Variants in PCDHGA4 observed in about 807,000 individuals in gnomAD.
PCDHGA4 encodes the protein protocadherin gamma subfamily A, 4.
A neutral mutation model predicts 54.6 loss-of-function variants in PCDHGA4; 38 were observed. That is an observed-to-expected ratio of 0.70 (90% CI 0.54 to 0.91). The LOEUF (loss-of-function observed/expected upper bound fraction) is 0.91. PCDHGA4 is among the 40% of genes least tolerant of loss of function. PCDHGA4 has a pLI of 0.00. For synonymous variants in PCDHGA4, 511 were observed against 512.9 expected, an observed-to-expected ratio of 1.00 and a Z score of 0.05; for missense variants, 1,298 against 1,220.9, an observed-to-expected ratio of 1.06 and a Z score of -0.94.
intron 1 of PCDHGA4, among the ~76,000 whole-genome samples, chr5:141,437,526 G>A (rs1199002765): frequency 1.3e-5 from 2 of 152,160 alleles, no homozygotes; most frequent in East Asian, 3.8e-4. Context: ...GATGACAAAT[G>A]AGCAAATTGT....
At chr5:141,372,612 C>G in intron 1 of PCDHGA4, 1 of 1,614,004 alleles carries the variant, frequency 6.2e-7, no homozygotes, top group Non-Finnish European at 8.5e-7. Flanking sequence ...ACCTGGAGTT[C>G]TCCCCACCTA....
intron 1 of PCDHGA4, chr5:141,419,989 T>C (rs778087109): frequency 4.1e-5 from 66 of 1,613,962 alleles, no homozygotes; most frequent in Non-Finnish European, 5.2e-5. Context: ...TGATTCTAGC[T>C]ATTGCTCTAC....
chr5:141,403,044 T>C lies in PCDHGA4; in HGVS notation c.2514+45423T>C, dbSNP rs914251787. 7 of 1,613,960 alleles carry C rather than the reference T, an allele frequency of 4.3e-6. No individual in the cohort carries two copies. The Admixed American group carries it at 8.3e-5, about 19-fold the overall frequency. ...CTATGGGAGGCCAGGGCCAGTCAGA[T>C]TCGCTACTCAGTGCCTGAAGAGACA... is the stretch of plus-strand genomic sequence containing the variant. On this transcript the variant is annotated intron_variant, in intron 1 of 3. Transcript: ENST00000571252.
chr5:141,394,189 C>G lies in PCDHGA4; in HGVS notation c.2514+36568C>G, dbSNP rs543330174. The stretch of plus-strand genomic sequence containing the variant: ...ACTTTCCCTCATGCCTCCTACTCAG[C>G]GTATATCCTAGAGAACAACCTGAGA... On this transcript the variant is annotated intron_variant, in intron 1 of 3. Coordinates refer to ENST00000571252, the MANE Select transcript of PCDHGA4 (RefSeq NM_018917.4). 4 of 1,613,892 alleles carry G rather than the reference C, an allele frequency of 2.5e-6. No homozygotes were observed. The East Asian group carries it at 6.7e-5, about 27-fold the overall frequency.
At chr5:141,394,100 ACCACCTCTGT>A in intron 1 of PCDHGA4, 1 of 1,613,942 alleles carries the variant, frequency 6.2e-7, no homozygotes, top group Admixed American at 1.7e-5. Context: ...ATCTAGGAAC[ACCACCTCTGT>A]CCACTGAAAC....
chr5:141,387,491 A>C (rs1049616816), intron 1 of PCDHGA4, among the ~76,000 whole-genome samples: 1 of 152,240 alleles, frequency 6.6e-6, no homozygotes, highest in African/African-American at 2.4e-5. Flanking sequence ...GGCATTCCTA[A>C]GAGTACATTT....
intron 1 of PCDHGA4, among the ~76,000 whole-genome samples, chr5:141,451,924 G>C (rs1337159204): frequency 1.3e-5 from 2 of 152,008 alleles, no homozygotes; most frequent in African/African-American, 4.8e-5. Context: ...AAGGAAGGGA[G>C]GTAGGGAGGC....
At chr5:141,492,265 G>C (rs1363279754) in intron 1 of PCDHGA4, among the ~76,000 whole-genome samples, 1 of 152,180 alleles carries the variant, frequency 6.6e-6, no homozygotes, top group Non-Finnish European at 1.5e-5. Flanking sequence ...CAAGTTGCAC[G>C]GGCTCGCCAC....
chr5:141,509,709 T>C (rs1344120168), intron 3 of PCDHGA4, among the ~76,000 whole-genome samples: 1 of 152,200 alleles, frequency 6.6e-6, no homozygotes, highest in African/African-American at 2.4e-5. Context: ...CTGGAGGTGC[T>C]GTCTGATGTC....
At chr5:141,408,806 C>T in intron 1 of PCDHGA4, 1 of 1,613,010 alleles carries the variant, frequency 6.2e-7, no homozygotes, top group Non-Finnish European at 8.5e-7. Flanking sequence ...ACTCCTAGAC[C>T]GGGAAGAACA....
intron 1 of PCDHGA4, chr5:141,420,314 A>G (rs1454977890): frequency 6.9e-7 from 1 of 1,442,692 alleles, no homozygotes; most frequent in African/African-American, 1.4e-5. Flanking sequence ...TTTATATTAC[A>G]ATATGCCAAT....
chr5:141,509,447 C>T (rs898280593), intron 3 of PCDHGA4, among the ~76,000 whole-genome samples: 2 of 152,128 alleles, frequency 1.3e-5, no homozygotes, highest in Admixed American at 6.5e-5. Context: ...CCTCCTCTCC[C>T]ACCCCCGACC....
rs1465140874 is a variant in PCDHGA4, at chr5:141,355,327, T to C, written c.220T>C (p.Ser74Pro). The C allele has an allele frequency of 1.2e-6, 2 of 1,613,822 alleles. No individual in the cohort carries two copies. The highest frequency in any genetic ancestry group is 1.7e-6 in the Non-Finnish European group (2 of 1,179,900). Residue 74 changes from serine (S) to proline (P), a missense_variant, in exon 1 of 4, where the codon TCA becomes CCA. By Grantham distance (74) the Ser-to-Pro change is moderately conservative. Coordinates refer to ENST00000571252, the MANE Select transcript of PCDHGA4 (RefSeq NM_018917.4). ...GGTGTTTGAGGAGCAGGAAGAAGGCTCAGTGGTGGGCAACATCGCCAAGGA... is the reference window on the plus strand; with the variant it reads ...GGTGTTTGAGGAGCAGGAAGAAGGCCCAGTGGTGGGCAACATCGCCAAGGA... Reference protein sequence around the residue: ...YSVFEEQEEGSVVGNIAKDLG... With the variant: ...YSVFEEQEEGPVVGNIAKDLG...
At chr5:141,450,790 A>G (rs2098694056) in intron 1 of PCDHGA4, among the ~76,000 whole-genome samples, 1 of 148,832 alleles carries the variant, frequency 6.7e-6, no homozygotes, top group Admixed American at 6.7e-5. Context: ...CCCGGACCTC[A>G]TGATTGTATT....
chr5:141,364,482 A>G, intron 1 of PCDHGA4: 1 of 1,614,024 alleles, frequency 6.2e-7, no homozygotes, highest in South Asian at 1.1e-5. Flanking sequence ...ATAGCCAAGG[A>G]CCTTGGGCTG....
Position 141,432,292 on chromosome 5 carries a change from T to C in PCDHGA4, c.2515-62515T>C, listed in dbSNP as rs1339412798. 2 of 1,614,078 alleles carry C rather than the reference T, an allele frequency of 1.2e-6. No individual in the cohort carries two copies. The highest frequency in any genetic ancestry group is 2.2e-5 in the East Asian group (1 of 44,888). On this transcript the variant is annotated intron_variant, in intron 1 of 3. Coordinates refer to ENST00000571252, the MANE Select transcript of PCDHGA4 (RefSeq NM_018917.4). The surrounding 1 kb of genome is among the most constrained non-coding windows in gnomAD (Gnocchi z 6.0). ...CCTACGTGTCCATCAACTCCGACAC[T>C]GGGGTACTGTATGCGCTGAGCTCCT...
At chr5:141,360,803 G>A (rs1392769200) in intron 1 of PCDHGA4, 1 of 1,613,926 alleles carries the variant, frequency 6.2e-7, no homozygotes, top group Admixed American at 1.7e-5. Flanking sequence ...CCACCTCAAA[G>A]TGGCACGACC....
chr5:141,386,967 T>C (rs1397962065), intron 1 of PCDHGA4, among the ~76,000 whole-genome samples: 1 of 152,204 alleles, frequency 6.6e-6, no homozygotes, highest in Non-Finnish European at 1.5e-5. Flanking sequence ...CAGATCTCAG[T>C]GACTTTGTGT....
chr5:141,429,631 G>A (rs1272926056), intron 1 of PCDHGA4, among the ~76,000 whole-genome samples: 1 of 152,132 alleles, frequency 6.6e-6, no homozygotes, highest in Non-Finnish European at 1.5e-5. Context: ...TTTTCTCACA[G>A]CTACCTATAT....
Sources: gnomAD v4.1 joint callset for allele counts (sites outside exome capture counted in the v4.1 genomes callset) on GRCh38, gnomAD v4.1.1 for gene constraint, Gnocchi (gnomAD v3.1) non-coding constraint, MANE v1.5 for transcripts, NCBI Gene and HGNC (gene_info 2026-07-23, HGNC 2026-07-21) for gene names.